Variants in CSMD1 observed in about 807,000 individuals in gnomAD.
The protein encoded by CSMD1 is CUB and sushi domain-containing protein 1.
In CSMD1, 213 loss-of-function variants were observed where a neutral mutation model predicts 417.5. The ratio of observed to expected loss-of-function variants is 0.51; its 90% CI spans 0.46 to 0.57. The LOEUF is 0.57. Ranked by LOEUF, CSMD1 falls within the 20% of genes least tolerant of loss-of-function variation. The probability of loss-of-function intolerance (pLI) is 0.00; values close to 1 mark genes in which losing one functional copy is unlikely to be tolerated. For missense variants in CSMD1, 6,923 were observed against 4,529.7 expected, an observed-to-expected ratio of 1.53 and a Z score of -15.17; for synonymous variants, 2,862 against 1,736.8, an observed-to-expected ratio of 1.65 and a Z score of -16.11.
chr8:4,131,924 G>A lies in CSMD1; in HGVS notation c.416-99825C>T, dbSNP rs1035354828. The stretch of plus-strand genomic sequence containing the variant: ...ACTACAGGTGCCCGCAACCACACCT[G>A]GCTACTTTTTTGGTATTTTTTAGTA... On this transcript the variant is annotated intron_variant, in intron 3 of 69. Transcript: ENST00000635120. 2.6e-5 allele frequency among the ~76,000 whole-genome samples: 4 copies of A among 151,814 alleles called. No homozygotes were observed. In the South Asian group the frequency reaches 6.2e-4, roughly 24 times the overall value.
At chr8:4,565,265 C>T (rs1478943853) in intron 2 of CSMD1, among the ~76,000 whole-genome samples, 1 of 152,128 alleles carries the variant, frequency 6.6e-6, no homozygotes, top group Non-Finnish European at 1.5e-5. Flanking sequence ...CAATAGTGTG[C>T]AGAATATTGA....
intron 1 of CSMD1, among the ~76,000 whole-genome samples, chr8:4,753,351 T>C (rs1811460972): frequency 6.6e-6 from 1 of 151,986 alleles, no homozygotes; most frequent in South Asian, 2.1e-4. Flanking sequence ...TGCTTTCATT[T>C]TGTCGATATT....
At chr8:4,855,104 C>T (rs983608316) in intron 1 of CSMD1, among the ~76,000 whole-genome samples, 6 of 151,910 alleles carry the variant, frequency 3.9e-5, no homozygotes, top group Admixed American at 6.6e-5. Flanking sequence ...GGGTCCCTGA[C>T]CCCTGACCCC....
At chr8:4,155,039 C>T (rs1395307375) in intron 3 of CSMD1, among the ~76,000 whole-genome samples, 7 of 152,208 alleles carry the variant, frequency 4.6e-5, no homozygotes. Context: ...GAACCTAACA[C>T]TGCTGCAGAA....
chr8:4,176,599 G>A (rs1160964496), intron 3 of CSMD1, among the ~76,000 whole-genome samples: 1 of 115,122 alleles, frequency 8.7e-6, no homozygotes, highest in African/African-American at 3.3e-5. Context: ...GGACATAGGA[G>A]TAGGAAATTC....
intron 2 of CSMD1, among the ~76,000 whole-genome samples, chr8:4,635,733 G>A (rs909632020): frequency 6.6e-6 from 1 of 151,966 alleles, no homozygotes; most frequent in African/African-American, 2.4e-5. Flanking sequence ...AAAGTAACTG[G>A]CTTTTAAAGA....
rs575078018 is a variant in CSMD1 at position 3,523,405 on chromosome 8, G to T, written c.1345-29679C>A. ...GGGACAAAGAAAGCTCTCAATGAGAGATCAAAGCGTTTGCAACCTAGATGC... is the reference window on the plus strand; with the variant it reads ...GGGACAAAGAAAGCTCTCAATGAGATATCAAAGCGTTTGCAACCTAGATGC... On this transcript the variant is annotated intron_variant, in intron 10 of 69. Transcript: ENST00000635120. Among the ~76,000 whole-genome samples the T allele has an allele frequency of 4.5e-4, 69 of 152,338 alleles. 1 individual carries two copies. Among genetic ancestry groups the T allele is most frequent in the South Asian group, 1.0e-3 (5 of 4,826 alleles).
At chr8:3,997,705 C>T (rs533927990) in intron 5 of CSMD1, among the ~76,000 whole-genome samples, 198 bp downstream of exon 5, 3 of 152,112 alleles carry the variant, frequency 2.0e-5, no homozygotes, top group South Asian at 4.1e-4. Context: ...CTCCAAACAC[C>T]AGCACAAAGA....
intron 7 of CSMD1, among the ~76,000 whole-genome samples, chr8:3,621,991 A>ATGTG (rs35068961): frequency 0.058 from 8,259 of 143,044 alleles, 541 homozygotes; most frequent in African/African-American, 0.17. Context: ...GTGTGTGTGT[A>ATGTG]TGTGTGTGTG....
At position 4,651,746 on chromosome 8, in the gene CSMD1, C is replaced by A. The variant is rs1034671777; in HGVS notation, c.86-14188G>T. On this transcript the variant is annotated intron_variant, in intron 1 of 69. Transcript: ENST00000635120. The stretch of plus-strand genomic sequence containing the variant: ...TCACACGTCTTTAGATTTAAACACA[C>A]ATACCTACTCCCCATCTGTATTTAA... 2.6e-5 allele frequency among the ~76,000 whole-genome samples: 4 copies of A among 152,310 alleles called. No homozygotes were observed. In the South Asian group the frequency reaches 6.2e-4, roughly 24 times the overall value.
intron 5 of CSMD1, among the ~76,000 whole-genome samples, chr8:3,834,427 G>T (rs373903874): frequency 6.6e-6 from 1 of 152,268 alleles, no homozygotes; most frequent in South Asian, 2.1e-4. Flanking sequence ...CCCTGGAAGT[G>T]GGGCAGACTC....
At chr8:3,347,225 G>T (rs945455644) in intron 22 of CSMD1, among the ~76,000 whole-genome samples, 1 of 152,224 alleles carries the variant, frequency 6.6e-6, no homozygotes, top group South Asian at 2.1e-4. Flanking sequence ...GTTTCTTGAA[G>T]CTTTTCCTTT....
chr8:3,895,046 G>A (rs1053857865), intron 5 of CSMD1, among the ~76,000 whole-genome samples: 11 of 152,060 alleles, frequency 7.2e-5, no homozygotes, highest in Non-Finnish European at 1.2e-4. Context: ...TTATTTGAAT[G>A]GTATAGGTGG....
intron 3 of CSMD1, among the ~76,000 whole-genome samples, chr8:4,095,221 C>G (rs890861118): frequency 1.3e-5 from 2 of 152,166 alleles, no homozygotes; most frequent in African/African-American, 4.8e-5. Context: ...TACTGCCTCT[C>G]CTTAACTCAG....
intron 3 of CSMD1, among the ~76,000 whole-genome samples, chr8:4,184,047 G>T (rs890739369): frequency 6.6e-6 from 1 of 152,128 alleles, no homozygotes. Flanking sequence ...GGCAAATTCT[G>T]TTATTATCTA....
chr8:3,971,938 C>A (rs146227870), intron 5 of CSMD1, among the ~76,000 whole-genome samples: 15 of 152,036 alleles, frequency 9.9e-5, no homozygotes, highest in African/African-American at 3.4e-4. Flanking sequence ...GACAGGGTGT[C>A]ATTCTGTTGC....
intron 5 of CSMD1, among the ~76,000 whole-genome samples, chr8:3,766,406 T>G (rs1207220479): frequency 6.6e-6 from 1 of 152,162 alleles, no homozygotes; most frequent in Non-Finnish European, 1.5e-5. Flanking sequence ...TTCTAACCCT[T>G]GGCTGTATCC....
At chr8:3,109,678 C>G (rs1816374847) in intron 43 of CSMD1, among the ~76,000 whole-genome samples, 1 of 152,162 alleles carries the variant, frequency 6.6e-6, no homozygotes, top group Admixed American at 6.5e-5. Flanking sequence ...CTTACTTGCC[C>G]TGGCTGCTGG....
intron 1 of CSMD1, among the ~76,000 whole-genome samples, chr8:4,892,877 T>C (rs1028181128): frequency 1.3e-5 from 2 of 152,276 alleles, no homozygotes; most frequent in South Asian, 2.1e-4. Context: ...TAAGAGGCAT[T>C]AGACTGTTTT....
Sources: allele counts gnomAD v4.1 joint callset (sites outside exome capture counted in the v4.1 genomes callset), GRCh38; gene constraint gnomAD v4.1.1; transcripts MANE v1.5; gene names NCBI Gene and HGNC (gene_info 2026-07-23, HGNC 2026-07-21).